The following TMEM181 variants were observed in gnomAD, a reference collection of about 807,000 sequenced individuals.
TMEM181 encodes the protein transmembrane protein 181.
TMEM181 carries 39 observed loss-of-function variants against 71.9 expected under a neutral mutation model. That is an observed-to-expected ratio of 0.54 (90% confidence interval 0.42 to 0.71). The LOEUF is 0.71. TMEM181 is among the 30% of genes least tolerant of loss of function. The probability of loss-of-function intolerance (pLI) is 0.00; values close to 1 mark genes in which losing one functional copy is unlikely to be tolerated. For synonymous variants in TMEM181, 245 were observed against 228.8 expected (o/e 1.07, Z -0.64); for missense variants, 595 against 583.0 (o/e 1.02, Z -0.21).
At chr6:158,597,284 G>A (rs1393028135) in intron 6 of TMEM181, among the ~76,000 whole-genome samples, 2 of 152,178 alleles carry the variant, frequency 1.3e-5, no homozygotes, top group African/African-American at 4.8e-5. Context: ...CTATGCTTCT[G>A]TAACTGTACA....
At position 158,634,814 on chromosome 6, in the gene TMEM181, A is replaced by G. The variant is rs1030071044; in HGVS notation, c.*2926A>G. On this transcript the variant is annotated 3_prime_UTR_variant, in exon 17 of 17. Coordinates refer to ENST00000684151, the MANE Select transcript of TMEM181 (RefSeq NM_001376852.1). ...GTCACCAGCCTCAAGTATTTTATGA[A>G]CTATTTACTGAGGGTAGTTATGTTA... 3 of 152,152 alleles carry G rather than the reference A, an allele frequency of 2.0e-5. No individual in the cohort carries two copies. Among genetic ancestry groups the G allele is most frequent in the African/African-American group, 7.2e-5 (3 of 41,438 alleles). 9.4% of individuals were successfully genotyped at this position (152,152 alleles called of 1,614,324 possible).
chr6:158,575,012 T>C (rs1783081604), intron 2 of TMEM181, among the ~76,000 whole-genome samples: 1 of 152,208 alleles, frequency 6.6e-6, no homozygotes, highest in Non-Finnish European at 1.5e-5. Flanking sequence ...TCCCCCTTAC[T>C]CAGCCAATTT....
At chr6:158,585,634 A>G (rs948637929) in intron 5 of TMEM181, among the ~76,000 whole-genome samples, 1 of 152,246 alleles carries the variant, frequency 6.6e-6, no homozygotes, top group Non-Finnish European at 1.5e-5. Context: ...AAACGTACAC[A>G]TGCATTCACA....
chr6:158,559,950 G>T (rs1782052481), upstream of TMEM181: 2 of 635,838 alleles, frequency 3.1e-6, no homozygotes, highest in Non-Finnish European at 3.9e-6. Context: ...GCTCCCGGCC[G>T]TGGGGCTCCG....
intron 1 of TMEM181, among the ~76,000 whole-genome samples, chr6:158,541,403 G>A (rs945191501): frequency 9.9e-5 from 15 of 151,112 alleles, no homozygotes; most frequent in African/African-American, 3.7e-4. Context: ...GGCGACAAGA[G>A]CGAGACTCCA....
chr6:158,561,165 A>G (rs1013468154), intron 1 of TMEM181, among the ~76,000 whole-genome samples: 2 of 152,042 alleles, frequency 1.3e-5, no homozygotes, highest in Admixed American at 1.3e-4. Context: ...ATCTTTGCTG[A>G]TTTCTCTGGC....
chr6:158,580,645 G>A (rs1783419840), intron 2 of TMEM181, among the ~76,000 whole-genome samples: 1 of 152,154 alleles, frequency 6.6e-6, no homozygotes, highest in African/African-American at 2.4e-5. Context: ...TGCATGTAGA[G>A]AGTGCTCTCA....
intron 1 of TMEM181, among the ~76,000 whole-genome samples, chr6:158,561,729 T>G (rs1457188548): frequency 1.3e-5 from 2 of 152,190 alleles, no homozygotes; most frequent in Non-Finnish European, 2.9e-5. Flanking sequence ...GCTTGAATTT[T>G]GTGCGAGTTT....
intron 6 of TMEM181, among the ~76,000 whole-genome samples, chr6:158,601,697 T>C (rs1784677714): frequency 6.7e-6 from 1 of 148,920 alleles, no homozygotes; most frequent in Admixed American, 6.7e-5. Context: ...AGACGGAGGT[T>C]GCAGTGAGCC....
intron 15 of TMEM181, 69 bp downstream of exon 15, chr6:158,629,888 C>A: frequency 7.6e-7 from 1 of 1,310,884 alleles, no homozygotes; most frequent in Non-Finnish European, 1.1e-6. Flanking sequence ...ATCCACGACC[C>A]ACTTCCCGGG....
At position 158,569,597 on chromosome 6, in the gene TMEM181, C is replaced by CT. The variant is rs57907555; in HGVS notation, c.9-3807dup. Among the ~76,000 whole-genome samples, 1,018 of 139,886 alleles carry CT rather than the reference C, an allele frequency of 7.3e-3. 4 individuals are homozygous for CT. The highest frequency in any genetic ancestry group is 0.015 in the Middle Eastern group (4 of 266). The allele number at this position is 139,886 out of a possible 152,430, so 91.8% of individuals were successfully genotyped here. ...CGGGTTGTGCCCTCATGCCCTTTCT[C>CT]TTTTTTTTTTTTTTTTAAATTGAGA... is the stretch of plus-strand genomic sequence containing the variant. On this transcript the variant is annotated intron_variant, in intron 1 of 16. Coordinates refer to ENST00000684151, the MANE Select transcript of TMEM181 (RefSeq NM_001376852.1).
intron 5 of TMEM181, among the ~76,000 whole-genome samples, chr6:158,586,177 G>A (rs1481410983): frequency 1.3e-5 from 2 of 152,196 alleles, no homozygotes; most frequent in South Asian, 2.1e-4. Flanking sequence ...TGGGGAATGA[G>A]CCCTCACGCT....
chr6:158,625,790 G>C, intron 13 of TMEM181, 36 bp downstream of exon 13: 1 of 1,578,460 alleles, frequency 6.3e-7, no homozygotes, highest in Non-Finnish European at 8.7e-7. Flanking sequence ...CAGCAAAACG[G>C]AATTTTTCTT....
chr6:158,604,117 G>A (rs1040425653), intron 6 of TMEM181, among the ~76,000 whole-genome samples: 1 of 152,178 alleles, frequency 6.6e-6, no homozygotes, highest in Non-Finnish European at 1.5e-5. Context: ...TGGGAGGTTC[G>A]TTCTCTCTCT....
chr6:158,584,740 G>A (rs1389223590), intron 4 of TMEM181, among the ~76,000 whole-genome samples: 2 of 151,986 alleles, frequency 1.3e-5, no homozygotes, highest in Non-Finnish European at 2.9e-5. Flanking sequence ...TATATATTAC[G>A]AAAAAATTAT....
chr6:158,596,887 C>G (rs9456328), intron 6 of TMEM181, among the ~76,000 whole-genome samples: 20,448 of 152,190 alleles, frequency 0.13, 1,539 homozygotes, highest in Middle Eastern at 0.2. Flanking sequence ...TCGATGACCT[C>G]CCCCGGGTCC....
chr6:158,619,218 C>T (rs756268212), intron 10 of TMEM181, among the ~76,000 whole-genome samples: 3 of 152,196 alleles, frequency 2.0e-5, no homozygotes, highest in Non-Finnish European at 4.4e-5. Flanking sequence ...CTCTGAACTT[C>T]TCTTCTTGCT....
At chr6:158,571,196 G>C (rs180872025) in intron 1 of TMEM181, among the ~76,000 whole-genome samples, 1 of 152,018 alleles carries the variant, frequency 6.6e-6, no homozygotes, top group African/African-American at 2.4e-5. Context: ...TCCCGGGTTC[G>C]TGCCATTCTC....
intron 5 of TMEM181, among the ~76,000 whole-genome samples, chr6:158,587,804 G>GT (rs1349691933): frequency 6.6e-6 from 1 of 152,000 alleles, no homozygotes; most frequent in Non-Finnish European, 1.5e-5. Context: ...CGCTGGTGTA[G>GT]TTTTTTTAAA....
Sources: allele counts gnomAD v4.1 joint callset (sites outside exome capture counted in the v4.1 genomes callset), GRCh38; gene constraint gnomAD v4.1.1; transcripts MANE v1.5; gene names NCBI Gene and HGNC (gene_info 2026-07-23, HGNC 2026-07-21).